Variants in HSD17B3 observed in about 807,000 individuals in gnomAD.
HSD17B3 encodes 17-beta-hydroxysteroid dehydrogenase type 3.
In HSD17B3, 29 loss-of-function variants were observed where a neutral mutation model predicts 41.1. The ratio of observed to expected loss-of-function variants is 0.71; its 90% CI spans 0.53 to 0.96. HSD17B3 has a LOEUF of 0.96. Among genes scored for constraint, HSD17B3 ranks in the 40% least tolerant of loss-of-function variants. The pLI is 0.00. For missense variants in HSD17B3, 323 were observed against 374.6 expected (o/e 0.86, Z 1.14); for synonymous variants, 126 against 145.6 (o/e 0.87, Z 0.97).
chr9:96,281,055 C>G (rs925943414), intron 2 of HSD17B3, among the ~76,000 whole-genome samples: 2 of 152,106 alleles, frequency 1.3e-5, no homozygotes, highest in Admixed American at 6.6e-5. Flanking sequence ...CTTTACTTTC[C>G]TAATAATCTT....
chr9:96,294,890 T>A (rs1020728304), intron 2 of HSD17B3, among the ~76,000 whole-genome samples: 2 of 151,860 alleles, frequency 1.3e-5, no homozygotes, highest in African/African-American at 4.8e-5. Flanking sequence ...ATACATGAAT[T>A]AGAATAAAAG....
At chr9:96,275,714 T>G (rs912573037) in intron 2 of HSD17B3, among the ~76,000 whole-genome samples, 1 of 151,786 alleles carries the variant, frequency 6.6e-6, no homozygotes, top group Non-Finnish European at 1.5e-5. Context: ...TATGTAAGCC[T>G]CAAGCTAATC....
chr9:96,249,626 C>G, intron 6 of HSD17B3, 125 bp downstream of exon 6: 2 of 847,942 alleles, frequency 2.4e-6, no homozygotes, highest in South Asian at 2.8e-5. Flanking sequence ...GACATGGCCT[C>G]TCAACTAAGT....
At chr9:96,245,518 G>C (rs866436096) in intron 7 of HSD17B3, 92 bp from the exon 8 acceptor site, 2 of 925,570 alleles carry the variant, frequency 2.2e-6, no homozygotes, top group South Asian at 1.3e-5. Context: ...GAACACTGCC[G>C]GACTCGACCC....
intron 2 of HSD17B3, among the ~76,000 whole-genome samples, chr9:96,291,125 A>G (rs532989249): frequency 5.5e-4 from 84 of 151,672 alleles, no homozygotes; most frequent in Non-Finnish European, 1.0e-3. Context: ...TTCCACCCCC[A>G]CCTGGCAGTA....
In HSD17B3 at chr9:96,246,440, C is replaced by T. The variant is rs1335955369; in HGVS notation, c.524+116G>A. ...TAATCACCGTGTGCTTTCATCATAG[C>T]TGTTATCGTTTGTTAAAGCACAGCC... On this transcript the variant is annotated intron_variant, in intron 7 of 10. Transcript: ENST00000375263. 5 of 880,622 alleles carry T rather than the reference C, an allele frequency of 5.7e-6. No individual in the cohort carries two copies. In the East Asian group the frequency reaches 7.3e-5, roughly 13 times the overall value. The allele number at this position is 880,622 out of a possible 1,614,324, so 54.6% of individuals were successfully genotyped here.
chr9:96,300,244 A>G (rs1163790660), intron 1 of HSD17B3, among the ~76,000 whole-genome samples: 1 of 151,570 alleles, frequency 6.6e-6, no homozygotes, highest in Non-Finnish European at 1.5e-5. Flanking sequence ...ACACACACAC[A>G]CACACACACG....
At chr9:96,272,372 C>T (rs1826275156) in intron 2 of HSD17B3, among the ~76,000 whole-genome samples, 2 of 13,484 alleles carry the variant, frequency 1.5e-4, no homozygotes, top group African/African-American at 5.0e-4. Context: ...AGTAAGACTG[C>T]ATCTCTCTCT....
intron 2 of HSD17B3, among the ~76,000 whole-genome samples, chr9:96,276,477 A>G (rs1275395925): frequency 6.6e-6 from 1 of 152,186 alleles, no homozygotes; most frequent in Non-Finnish European, 1.5e-5. Flanking sequence ...CAAAGTGGGA[A>G]GCATCACACT....
intron 2 of HSD17B3, among the ~76,000 whole-genome samples, chr9:96,270,467 T>C (rs2130760121): frequency 6.6e-6 from 1 of 152,280 alleles, no homozygotes; most frequent in East Asian, 1.9e-4. Context: ...TGAAAGAAAA[T>C]ATGCTGAGAG....
intron 2 of HSD17B3, among the ~76,000 whole-genome samples, chr9:96,289,438 T>G (rs185655302): frequency 9.8e-5 from 15 of 152,292 alleles, no homozygotes; most frequent in African/African-American, 3.6e-4. Flanking sequence ...TCCCCAAGTC[T>G]TCTCTCTTGT....
intron 2 of HSD17B3, among the ~76,000 whole-genome samples, chr9:96,280,106 C>T (rs1564054289): frequency 2.0e-5 from 3 of 152,056 alleles, no homozygotes; most frequent in Non-Finnish European, 2.9e-5. Flanking sequence ...TTGATATCAG[C>T]GGTGCTCAGC....
chr9:96,254,974 A>C, intron 2 of HSD17B3, 31 bp from the exon 3 acceptor site: 1 of 1,586,640 alleles, frequency 6.3e-7, no homozygotes, highest in East Asian at 2.2e-5. Flanking sequence ...CCAAGAGACA[A>C]GGATGATGAG....
chr9:96,254,849 T>C lies in HSD17B3; in HGVS notation c.277+19A>G, dbSNP rs1267583490. ...TGGAGGGCTCCACACACATCTCCCT[T>C]ATTTGGGGGGTCACTCACCGATCTC... On this transcript the variant is annotated intron_variant, in intron 3 of 10. Transcript: ENST00000375263. 1.9e-6 allele frequency: 3 copies of C among 1,609,276 alleles called. No individual in the cohort carries two copies. The highest frequency in any genetic ancestry group is 2.6e-6 in the Non-Finnish European group (3 of 1,175,898).
intron 2 of HSD17B3, among the ~76,000 whole-genome samples, chr9:96,259,665 G>C (rs894436781): frequency 1.1e-4 from 17 of 151,798 alleles, no homozygotes; most frequent in African/African-American, 4.1e-4. Flanking sequence ...AGCTTGCAGT[G>C]AGCCGAGATC....
At position 96,252,905 on chromosome 9, in the gene HSD17B3, T is replaced by C; in HGVS notation, c.283A>G (p.Thr95Ala). 6.2e-7 allele frequency: 1 copy of C among 1,601,780 alleles called. No homozygotes were observed. The highest frequency in any genetic ancestry group is 8.6e-7 in the Non-Finnish European group (1 of 1,169,288). ...LEAIATEIER[T>A]TGRSVKIIQA... ...ATAATCTTCACACTCCTCCCTGTAG[T>C]CCGCTCTACACGAGAGACAACAGTT... The change falls in exon 4 of 11, where the codon ACT becomes GCT. Residue 95 changes from threonine (T) to alanine (A), a missense_variant. By Grantham distance (58) the Thr-to-Ala change is moderately conservative (BLOSUM62 0). Coordinates refer to ENST00000375263, the MANE Select transcript of HSD17B3 (RefSeq NM_000197.2).
intron 2 of HSD17B3, among the ~76,000 whole-genome samples, chr9:96,287,103 G>A (rs908563088): frequency 6.6e-6 from 1 of 152,084 alleles, no homozygotes; most frequent in Non-Finnish European, 1.5e-5. Flanking sequence ...GTGTAGAGAC[G>A]TCCACCCAAC....
rs774078322 is a variant in HSD17B3, at chr9:96,301,938, A to T, written c.154+13T>A. 6.8e-6 allele frequency: 11 copies of T among 1,613,432 alleles called. No individual in the cohort carries two copies. The highest frequency in any genetic ancestry group is 9.3e-6 in the Non-Finnish European group (11 of 1,179,456). ...ACAGCAGCAAAAAAACATGAGATGG[A>T]ACACTCCCTTACCTGCCCACTGTCC... On this transcript the variant is annotated intron_variant, in intron 1 of 10. Transcript: ENST00000375263.
intron 2 of HSD17B3, among the ~76,000 whole-genome samples, chr9:96,269,865 C>G (rs1319039221): frequency 1.4e-5 from 2 of 144,744 alleles, no homozygotes; most frequent in Non-Finnish European, 3.0e-5. Flanking sequence ...GATCGTGCCA[C>G]TGCACTCCAG....
Sources: gnomAD v4.1 joint callset for allele counts (sites outside exome capture counted in the v4.1 genomes callset) on GRCh38, gnomAD v4.1.1 for gene constraint, MANE v1.5 for transcripts, NCBI Gene and HGNC (gene_info 2026-07-23, HGNC 2026-07-21) for gene names.